PC: variants seen among roughly 807,000 people sequenced by gnomAD.
PC encodes pyruvate carboxylase, mitochondrial.
In PC, 46 loss-of-function variants were observed where a neutral mutation model predicts 107.8. The observed-to-expected ratio is 0.43, with a 90% confidence interval of 0.34 to 0.55. The LOEUF is 0.55. PC is among the 20% of genes least tolerant of loss of function. The probability of loss-of-function intolerance (pLI) is 0.04; values close to 1 mark genes in which losing one functional copy is unlikely to be tolerated. For synonymous variants in PC, 662 were observed against 684.7 expected, an observed-to-expected ratio of 0.97 and a Z score of 0.52; for missense variants, 1,241 against 1,643.1, an observed-to-expected ratio of 0.76 and a Z score of 4.23.
At position 66,860,083 on chromosome 11, in the gene PC, G is replaced by T. The variant is rs758583914; in HGVS notation, c.1368+3691C>A. 2.4e-5 allele frequency: 37 copies of T among 1,555,980 alleles called. 1 individual carries two copies. In the South Asian group the frequency reaches 4.4e-4, roughly 18 times the overall value. On this transcript the variant is annotated intron_variant, in intron 12 of 22. Transcript: ENST00000393960. ...GCCGGGTGCTACGGTTATGCCAGGCGCCTGGGAGGAGCTTGGGCCCGACGG... is the reference window on the plus strand; with the variant it reads ...GCCGGGTGCTACGGTTATGCCAGGCTCCTGGGAGGAGCTTGGGCCCGACGG...
rs775748145 is a variant in PC, at chr11:66,858,564, G to A, written c.1369-5181C>T. On this transcript the variant is annotated intron_variant, in intron 12 of 22. Transcript: ENST00000393960. The surrounding 1 kb of genome is among the most constrained non-coding windows in gnomAD (Gnocchi z 5.9). The stretch of plus-strand genomic sequence containing the variant: ...CCGCTACTTCTGGGCAGTGCCCGAG[G>A]GCGAGTTCTCCTGTGAGCCGCCCCT... The A allele has an allele frequency of 6.5e-7, 1 of 1,533,126 alleles. No homozygotes were observed. Among genetic ancestry groups the A allele is most frequent in the Non-Finnish European group, 8.7e-7 (1 of 1,144,374 alleles). 95.0% of individuals were successfully genotyped at this position (1,533,126 alleles called of 1,614,324 possible). A position where few individuals can be genotyped will look rare whatever the true frequency, so the allele number is the denominator to read the frequency against.
At chr11:66,922,992 G>A (rs1454760831) in intron 3 of PC, among the ~76,000 whole-genome samples, 5 of 152,202 alleles carry the variant, frequency 3.3e-5, no homozygotes, top group African/African-American at 1.2e-4. Flanking sequence ...GCCCACCATT[G>A]CTGCCACATC....
intron 3 of PC, among the ~76,000 whole-genome samples, chr11:66,904,749 C>T (rs1040943441): frequency 2.6e-5 from 4 of 152,328 alleles, no homozygotes; most frequent in Admixed American, 2.0e-4. Flanking sequence ...GGTCACCTGG[C>T]CAAGTCTGGA....
intron 3 of PC, among the ~76,000 whole-genome samples, chr11:66,920,771 G>A (rs1030970367): frequency 2.0e-5 from 3 of 151,960 alleles, no homozygotes; most frequent in Non-Finnish European, 4.4e-5. Flanking sequence ...GAGGCTGGGC[G>A]TGGTGGCTCA....
At chr11:66,897,375 A>T (rs1947796934) in intron 3 of PC, among the ~76,000 whole-genome samples, 2 of 152,186 alleles carry the variant, frequency 1.3e-5, no homozygotes, top group South Asian at 4.1e-4. Context: ...GTTCGTCACC[A>T]GTCTGGCCAA....
chr11:66,889,042 C>T lies in PC; in HGVS notation c.1-16883G>A, dbSNP rs563050079. Among the ~76,000 whole-genome samples, 23 of 152,224 alleles carry T rather than the reference C, an allele frequency of 1.5e-4. 1 individual carries two copies. The South Asian group carries it at 4.8e-3, about 32-fold the overall frequency. On this transcript the variant is annotated intron_variant, in intron 3 of 22. Transcript: ENST00000393960. ...TGAGCCGAGATCGCGACACCGCACCCCAGCCTGGGTGACAGAGTGAGACTC... is the reference window on the plus strand; with the variant it reads ...TGAGCCGAGATCGCGACACCGCACCTCAGCCTGGGTGACAGAGTGAGACTC...
intron 3 of PC, among the ~76,000 whole-genome samples, chr11:66,910,770 A>G (rs1948312652): frequency 6.6e-6 from 1 of 152,184 alleles, no homozygotes; most frequent in Non-Finnish European, 1.5e-5. Flanking sequence ...GCCAGAGAGC[A>G]AAGGCTCTGG....
intron 3 of PC, among the ~76,000 whole-genome samples, chr11:66,878,874 C>A (rs968132128): frequency 6.6e-6 from 1 of 152,228 alleles, no homozygotes; most frequent in Admixed American, 6.5e-5. Flanking sequence ...CAGCCCAGCG[C>A]AGGCCCACAG....
In PC at chr11:66,941,056, A is replaced by G. The variant is rs146228543; in HGVS notation, c.-1+11374T>C. Among the ~76,000 whole-genome samples, 102 of 148,794 alleles carry G rather than the reference A, an allele frequency of 6.9e-4. 2 individuals carry two copies. The highest frequency in any genetic ancestry group is 2.4e-3 in the African/African-American group (96 of 40,064). ...GTGCCACTGCACTCCAGCCTGGGCA[A>G]CAGAGCAAGCAAGACTCCATCTAAA... On this transcript the variant is annotated intron_variant, in intron 3 of 22. Coordinates refer to ENST00000393960, the MANE Select transcript of PC (RefSeq NM_001040716.2).
chr11:66,901,851 T>C (rs969813849), intron 3 of PC, among the ~76,000 whole-genome samples: 35 of 152,184 alleles, frequency 2.3e-4, no homozygotes, highest in African/African-American at 8.4e-4. Context: ...GTGCCTCAAC[T>C]TCCCTTGTTG....
chr11:66,853,685 T>C, intron 12 of PC, among the ~76,000 whole-genome samples: 1 of 152,190 alleles, frequency 6.6e-6, no homozygotes, highest in Admixed American at 6.5e-5. Context: ...TCCAGCAGCG[T>C]GGCCCACAGC....
At chr11:66,912,493 G>A (rs927730684) in intron 3 of PC, among the ~76,000 whole-genome samples, 17 of 152,312 alleles carry the variant, frequency 1.1e-4, no homozygotes, top group South Asian at 4.2e-4. Flanking sequence ...GGTGAGCGGC[G>A]TGATTCCTGC....
At position 66,858,881 on chromosome 11, in the gene PC, C is replaced by T. The variant is rs367902341; in HGVS notation, c.1368+4893G>A. 3.1e-5 allele frequency: 48 copies of T among 1,553,424 alleles called. No homozygotes were observed. The highest frequency in any genetic ancestry group is 4.0e-5 in the Non-Finnish European group (46 of 1,148,720). The stretch of plus-strand genomic sequence containing the variant: ...TGCCCCATGGTGGGAACAGCAGTGC[C>T]GAGGGGGGCCGCCCCGGGCCCTCGG... On this transcript the variant is annotated intron_variant, in intron 12 of 22. Transcript: ENST00000393960. The surrounding 1 kb of genome is among the most constrained non-coding windows in gnomAD (Gnocchi z 5.9).
At chr11:66,875,577 G>C (rs530183097) in intron 3 of PC, among the ~76,000 whole-genome samples, 2 of 152,212 alleles carry the variant, frequency 1.3e-5, no homozygotes, top group Admixed American at 6.5e-5. Context: ...AGGAGCCCAG[G>C]GGGGATGCCT....
At chr11:66,925,923 T>TAA (rs61309968) in intron 3 of PC, among the ~76,000 whole-genome samples, 1 of 134,588 alleles carries the variant, frequency 7.4e-6, no homozygotes, top group Non-Finnish European at 1.6e-5. Context: ...GGAGGGGAGT[T>TAA]AAAAAAAAAA....
intron 3 of PC, among the ~76,000 whole-genome samples, chr11:66,887,109 G>T (rs1419142064): frequency 6.6e-6 from 1 of 152,200 alleles, no homozygotes; most frequent in Non-Finnish European, 1.5e-5. Context: ...CAGCGAACTG[G>T]AAGCTTCCGT....
intron 10 of PC, among the ~76,000 whole-genome samples, chr11:66,868,050 G>A (rs1044269898): frequency 2.6e-5 from 4 of 152,244 alleles, no homozygotes; most frequent in Admixed American, 1.3e-4. Flanking sequence ...GAAACCAGGC[G>A]GATTTTGAAA....
chr11:66,860,451 T>C, intron 12 of PC: 3 of 704,732 alleles, frequency 4.3e-6, no homozygotes, highest in Non-Finnish European at 7.8e-6. Context: ...TTTTTATTTA[T>C]AATAAAATTG....
At chr11:66,876,915 C>T (rs1947001836) in intron 3 of PC, among the ~76,000 whole-genome samples, 1 of 152,192 alleles carries the variant, frequency 6.6e-6, no homozygotes, top group Admixed American at 6.5e-5. Flanking sequence ...GGCTCTTGAA[C>T]CCACGAGAAA....
Sources: allele counts gnomAD v4.1 joint callset (sites outside exome capture counted in the v4.1 genomes callset), GRCh38; gene constraint gnomAD v4.1.1; non-coding constraint Gnocchi (gnomAD v3.1); transcripts MANE v1.5; gene names NCBI Gene and HGNC (gene_info 2026-07-23, HGNC 2026-07-21).